Variants in DPY19L2 observed in about 807,000 individuals in gnomAD.
DPY19L2 encodes the protein dpy-19 like 2.
Under a neutral mutation model 97.9 loss-of-function variants are expected in DPY19L2, and 34 were observed. That is an observed-to-expected ratio of 0.35 (90% CI 0.26 to 0.46). The LOEUF is 0.46. Ranked by LOEUF, DPY19L2 falls within the 20% of genes least tolerant of loss-of-function variation. DPY19L2 has a pLI of 1.00. For synonymous variants in DPY19L2, 230 were observed against 307.9 expected, an observed-to-expected ratio of 0.75 and a Z score of 2.65; for missense variants, 623 against 911.4, an observed-to-expected ratio of 0.68 and a Z score of 4.07.
At chr12:63,658,805 A>C (rs1895309638) in intron 4 of DPY19L2, among the ~76,000 whole-genome samples, 1 of 152,194 alleles carries the variant, frequency 6.6e-6, no homozygotes, top group South Asian at 2.1e-4. Context: ...GGCACAGATC[A>C]ACTCTGTTTC....
intron 7 of DPY19L2, among the ~76,000 whole-genome samples, 166 bp from the exon 8 acceptor site, chr12:63,624,297 C>T (rs1889174607): frequency 6.6e-6 from 1 of 151,906 alleles, no homozygotes; most frequent in Non-Finnish European, 1.5e-5. Context: ...ACTCATGAGG[C>T]CATTATGTAG....
intron 16 of DPY19L2, among the ~76,000 whole-genome samples, chr12:63,589,954 C>T (rs1176569240): frequency 6.6e-6 from 1 of 152,046 alleles, no homozygotes; most frequent in Non-Finnish European, 1.5e-5. Context: ...CATGGCAAAC[C>T]CTGTCTCTAC....
rs183164337 is a variant in DPY19L2, at chr12:63,653,257, A to G, written c.589-5892T>C. Among the ~76,000 whole-genome samples the G allele has an allele frequency of 6.6e-5, 10 of 152,256 alleles. No homozygotes were observed. In the East Asian group the frequency reaches 1.9e-3, roughly 29 times the overall value. On this transcript the variant is annotated intron_variant, in intron 4 of 21. Transcript: ENST00000324472. ...CAGGAAAGAGGCAGGGCTGAAAAAG[A>G]ATTCAAGGAAATAATTACTGAGGCT...
intron 6 of DPY19L2, among the ~76,000 whole-genome samples, chr12:63,637,571 A>C (rs576332804): frequency 6.6e-6 from 1 of 152,312 alleles, no homozygotes; most frequent in Non-Finnish European, 1.5e-5. Context: ...CCATCAGAGA[A>C]TTCTATAAAC....
chr12:63,598,998 C>T (rs370607481), intron 13 of DPY19L2, among the ~76,000 whole-genome samples: 1 of 151,560 alleles, frequency 6.6e-6, no homozygotes, highest in African/African-American at 2.4e-5. Context: ...CATGCTGGAA[C>T]CCCATCTCTA....
intron 8 of DPY19L2, 122 bp from the exon 9 acceptor site, chr12:63,621,459 A>T: frequency 1.4e-6 from 1 of 702,814 alleles, no homozygotes. Flanking sequence ...TAATACAACA[A>T]AATATAGTTA....
chr12:63,595,058 G>T (rs1883977852), intron 15 of DPY19L2, among the ~76,000 whole-genome samples: 1 of 152,172 alleles, frequency 6.6e-6, no homozygotes, highest in African/African-American at 2.4e-5. Context: ...TGAAACAACA[G>T]AGATGTCGAG....
intron 11 of DPY19L2, among the ~76,000 whole-genome samples, chr12:63,611,365 T>C (rs1450598004): frequency 6.6e-6 from 1 of 151,490 alleles, no homozygotes; most frequent in African/African-American, 2.4e-5. Context: ...ATCCAGCAGC[T>C]AACAAGGTAA....
chr12:63,570,664 T>C, intron 20 of DPY19L2, 94 bp downstream of exon 20: 1 of 1,002,368 alleles, frequency 1.0e-6, no homozygotes. Flanking sequence ...TGTGTGTGTG[T>C]GTGTGTGTGT....
intron 21 of DPY19L2, among the ~76,000 whole-genome samples, chr12:63,564,567 T>C (rs1240572286): frequency 6.6e-6 from 1 of 152,186 alleles, no homozygotes; most frequent in African/African-American, 2.4e-5. Context: ...TGATTTCTAA[T>C]TTAATTTCAT....
intron 9 of DPY19L2, among the ~76,000 whole-genome samples, chr12:63,618,664 A>G (rs1486719779): frequency 6.6e-6 from 1 of 152,126 alleles, no homozygotes; most frequent in East Asian, 1.9e-4. Flanking sequence ...TCAAAAGGCC[A>G]TACTATAATA....
At chr12:63,579,819 T>C (rs1308447448) in intron 19 of DPY19L2, among the ~76,000 whole-genome samples, 8 of 152,034 alleles carry the variant, frequency 5.3e-5, no homozygotes, top group African/African-American at 1.7e-4. Context: ...TTAAAGCTTA[T>C]AAAGATTTAC....
chr12:63,666,273 G>T (rs1433245684), intron 1 of DPY19L2, among the ~76,000 whole-genome samples: 1 of 152,000 alleles, frequency 6.6e-6, no homozygotes, highest in African/African-American at 2.4e-5. Context: ...AGTTTCTCTA[G>T]CATTCATCAG....
intron 6 of DPY19L2, among the ~76,000 whole-genome samples, chr12:63,631,440 A>G (rs1333113433): frequency 1.3e-5 from 2 of 152,294 alleles, no homozygotes; most frequent in East Asian, 1.9e-4. Context: ...AAACACCTCT[A>G]TGCAAATAAA....
upstream of DPY19L2, chr12:63,668,681 C>G: frequency 2.4e-6 from 1 of 423,300 alleles, no homozygotes; most frequent in Non-Finnish European, 4.3e-6. Context: ...CAGCCCCACG[C>G]ACAGCCCCCC....
chr12:63,625,611 T>C (rs1253490586), intron 7 of DPY19L2, among the ~76,000 whole-genome samples: 1 of 152,178 alleles, frequency 6.6e-6, no homozygotes, highest in African/African-American at 2.4e-5. Flanking sequence ...AGGTGGACTA[T>C]GTTTCATTGG....
At chr12:63,593,534 G>T (rs908836902) in intron 16 of DPY19L2, among the ~76,000 whole-genome samples, 4 of 152,010 alleles carry the variant, frequency 2.6e-5, no homozygotes, top group African/African-American at 4.8e-5. Flanking sequence ...GTAAACGATT[G>T]CAAGAACAAA....
At position 63,580,814 on chromosome 12, in the gene DPY19L2, C is replaced by T; in HGVS notation, c.1748G>A (p.Arg583Lys). ...AAAGATAACCTTCTCAAAACGAACT[C>T]TGCGAAAAAGCCAGCCAAAGAGCTG... ...SRQLFGWLFR[R>K]VRFEKVIFGI... Residue 583 changes from arginine to lysine, a missense_variant, in exon 19 of 22, where the codon AGA becomes AAA. By Grantham distance (26) the Arg-to-Lys change is conservative. Around this residue, in one of 6 missense-constraint regions of DPY19L2, gnomAD observed 294 missense variants for 446.2 expected, o/e 0.66. Coordinates refer to ENST00000324472, the MANE Select transcript of DPY19L2 (RefSeq NM_173812.5). 6.2e-7 allele frequency: 1 copy of T among 1,611,902 alleles called. No homozygotes were observed.
At chr12:63,659,989 C>T (rs1251776091) in intron 4 of DPY19L2, among the ~76,000 whole-genome samples, 1 of 151,958 alleles carries the variant, frequency 6.6e-6, no homozygotes, top group South Asian at 2.1e-4. Context: ...CAAATTAAAA[C>T]AAAAAAGCAT....
Sources: allele counts gnomAD v4.1 joint callset (sites outside exome capture counted in the v4.1 genomes callset), GRCh38; gene constraint gnomAD v4.1.1; regional missense constraint gnomAD v4.1.1; transcripts MANE v1.5; gene names NCBI Gene and HGNC (gene_info 2026-07-23, HGNC 2026-07-21).